LRFN5: variants seen among roughly 807,000 people sequenced by gnomAD.
The protein encoded by LRFN5 is leucine rich repeat and fibronectin type III domain containing 5.
Under a neutral mutation model 45.6 loss-of-function variants are expected in LRFN5, and 24 were observed. That is an observed-to-expected ratio of 0.53 (90% CI 0.38 to 0.74). The LOEUF is 0.74. Among genes scored for constraint, LRFN5 ranks in the 30% least tolerant of loss-of-function variants. LRFN5 has a pLI of 0.00. For missense variants in LRFN5, 776 were observed against 861.5 expected (o/e 0.90, Z 1.24); for synonymous variants, 340 against 313.8 (o/e 1.08, Z -0.88).
intron 2 of LRFN5, among the ~76,000 whole-genome samples, chr14:41,862,899 C>A (rs2139101220): frequency 8.1e-6 from 1 of 123,498 alleles, no homozygotes; most frequent in East Asian, 2.7e-4. Flanking sequence ...GAGTCTTGCT[C>A]TGTGGTCAAG....
chr14:41,856,370 A>G (rs1159956603), intron 2 of LRFN5, among the ~76,000 whole-genome samples: 2 of 152,200 alleles, frequency 1.3e-5, no homozygotes, highest in Non-Finnish European at 2.9e-5. Context: ...ACACATAGAA[A>G]TGTAAATAGT....
At chr14:41,840,383 G>T (rs1318494313) in intron 2 of LRFN5, among the ~76,000 whole-genome samples, 4 of 151,926 alleles carry the variant, frequency 2.6e-5, no homozygotes, top group Admixed American at 2.0e-4. Flanking sequence ...GTATTTTGTG[G>T]TTATTTTCAA....
chr14:41,767,225 A>G (rs1885917623), intron 2 of LRFN5, among the ~76,000 whole-genome samples, 196 bp downstream of exon 2: 1 of 150,920 alleles, frequency 6.6e-6, no homozygotes, highest in South Asian at 2.1e-4. Context: ...TTGTGTTGAT[A>G]ACCTCTATCC....
At position 41,886,666 on chromosome 14, in the gene LRFN5, C is replaced by A. The variant is rs762893917; in HGVS notation, c.41C>A (p.Ala14Glu). Residue 14 changes from alanine (A) to glutamate (E), a missense_variant, in exon 3 of 6, where the codon GCA becomes GAA. Ala to Glu is a moderately radical substitution (Grantham distance 107). Transcript: ENST00000298119. ...ILFYLFLIGI[A>E]VKAQICPKRC... is the part of the protein sequence containing the mutation. ...TTTTATCTGTTTCTCATTGGCATAG[C>A]AGTGAAAGCTCAGATCTGTCCAAAG... 3 of 1,602,566 alleles carry A rather than the reference C, an allele frequency of 1.9e-6. No homozygotes were observed. In the African/African-American group the frequency reaches 4.1e-5, roughly 22 times the overall value.
chr14:41,777,881 A>G (rs1886346293), intron 2 of LRFN5, among the ~76,000 whole-genome samples: 1 of 151,550 alleles, frequency 6.6e-6, no homozygotes, highest in Non-Finnish European at 1.5e-5. Context: ...TTAATGGGTA[A>G]TGGTGTTTAA....
intron 2 of LRFN5, among the ~76,000 whole-genome samples, chr14:41,813,246 T>C (rs966394535): frequency 1.3e-5 from 2 of 152,102 alleles, no homozygotes; most frequent in Non-Finnish European, 2.9e-5. Context: ...GTGCAGAGGG[T>C]ACAGGCTTGT....
chr14:41,798,075 G>GC (rs748618276), intron 2 of LRFN5, among the ~76,000 whole-genome samples: 5 of 151,700 alleles, frequency 3.3e-5, no homozygotes, highest in South Asian at 2.1e-4. Context: ...TAGACTTATT[G>GC]CTCTCTAGAC....
intron 2 of LRFN5, among the ~76,000 whole-genome samples, chr14:41,831,612 A>G (rs193291898): frequency 5.9e-5 from 9 of 152,312 alleles, no homozygotes; most frequent in Admixed American, 2.0e-4. Context: ...TTACCTTATG[A>G]GTATTTCTTC....
intron 2 of LRFN5, among the ~76,000 whole-genome samples, chr14:41,878,697 A>G (rs1890271201): frequency 1.3e-5 from 2 of 152,176 alleles, no homozygotes; most frequent in Admixed American, 1.3e-4. Flanking sequence ...TGTTGCTTAC[A>G]TTTAACTATT....
At chr14:41,783,876 A>C (rs74913109) in intron 2 of LRFN5, among the ~76,000 whole-genome samples, 1,977 of 152,246 alleles carry the variant, frequency 0.013, 19 homozygotes, top group Non-Finnish European at 0.018. Flanking sequence ...CTTTTAATGT[A>C]GTACAATTTA....
At chr14:41,894,063 A>G in intron 4 of LRFN5, 2 of 984,118 alleles carry the variant, frequency 2.0e-6, no homozygotes, top group Non-Finnish European at 2.4e-6. Flanking sequence ...GAAGCATACT[A>G]CTTTTTCTCT....
chr14:41,757,373 G>A (rs1365510741), intron 1 of LRFN5, among the ~76,000 whole-genome samples: 1 of 152,214 alleles, frequency 6.6e-6, no homozygotes, highest in Non-Finnish European at 1.5e-5. Context: ...TACAGAGGCA[G>A]GCAGGCCTCC....
At chr14:41,691,835 C>A (rs1320364681) in intron 1 of LRFN5, among the ~76,000 whole-genome samples, 1 of 151,872 alleles carries the variant, frequency 6.6e-6, no homozygotes, top group Non-Finnish European at 1.5e-5. Flanking sequence ...TTGTTTCTGC[C>A]TATTTTTGAA....
In LRFN5 at chr14:41,823,888, A is replaced by G. The variant is rs141028192; in HGVS notation, c.-21+56859A>G. On this transcript the variant is annotated intron_variant, in intron 2 of 5. Transcript: ENST00000298119. ...TTAAAAATTATCTTTTCCTTATTTTATCTAACTGAATTAATTCAAAAGACC... is the reference window on the plus strand; with the variant it reads ...TTAAAAATTATCTTTTCCTTATTTTGTCTAACTGAATTAATTCAAAAGACC... Among the ~76,000 whole-genome samples the G allele has an allele frequency of 2.7e-3, 407 of 152,214 alleles. 1 individual carries two copies. Among genetic ancestry groups the G allele is most frequent in the African/African-American group, 9.3e-3 (388 of 41,556 alleles).
intron 1 of LRFN5, among the ~76,000 whole-genome samples, chr14:41,684,031 T>C (rs543970517): frequency 6.6e-6 from 1 of 152,330 alleles, no homozygotes; most frequent in South Asian, 2.1e-4. Flanking sequence ...GGAATCATAT[T>C]ACTTGACTTC....
intron 4 of LRFN5, chr14:41,892,802 T>G: frequency 1.0e-6 from 1 of 985,364 alleles, no homozygotes; most frequent in Non-Finnish European, 1.2e-6. Context: ...TTATGAAAAC[T>G]CTAATCAGTT....
intron 2 of LRFN5, among the ~76,000 whole-genome samples, chr14:41,856,633 G>A (rs1309883253): frequency 7.3e-6 from 1 of 136,896 alleles, no homozygotes; most frequent in Non-Finnish European, 1.6e-5. Context: ...TTTTGTTAGT[G>A]AGTCTTTTGT....
intron 1 of LRFN5, among the ~76,000 whole-genome samples, chr14:41,630,464 T>C (rs1888494460): frequency 6.6e-6 from 1 of 152,176 alleles, no homozygotes; most frequent in Admixed American, 6.6e-5. Context: ...AAAAATATGC[T>C]CTTGGATTAC....
intron 1 of LRFN5, among the ~76,000 whole-genome samples, chr14:41,646,159 A>G (rs1879809232): frequency 6.6e-6 from 1 of 152,048 alleles, no homozygotes; most frequent in Admixed American, 6.6e-5. Flanking sequence ...AAACTATAAT[A>G]TATTATTGTT....
Sources: gnomAD v4.1 joint callset for allele counts (sites outside exome capture counted in the v4.1 genomes callset) on GRCh38, gnomAD v4.1.1 for gene constraint, MANE v1.5 for transcripts, NCBI Gene and HGNC (gene_info 2026-07-23, HGNC 2026-07-21) for gene names.